SH3RF3: variants seen among roughly 807,000 people sequenced by gnomAD.
SH3RF3 encodes E3 ubiquitin-protein ligase SH3RF3.
A neutral mutation model predicts 66.3 loss-of-function variants in SH3RF3; 29 were observed. The ratio of observed to expected loss-of-function variants is 0.44; its 90% CI spans 0.33 to 0.60. SH3RF3 has a LOEUF of 0.60. Ranked by LOEUF, SH3RF3 falls within the 20% of genes least tolerant of loss-of-function variation. The pLI, the probability that SH3RF3 is intolerant of heterozygous loss-of-function variation, is 0.04. For missense variants in SH3RF3, 1,194 were observed against 1,190.9 expected (o/e 1.00, Z -0.04); for synonymous variants, 583 against 532.0 (o/e 1.10, Z -1.32).
intron 1 of SH3RF3, among the ~76,000 whole-genome samples, chr2:109,242,210 C>G (rs1241029973): frequency 6.6e-6 from 1 of 152,054 alleles, no homozygotes; most frequent in Non-Finnish European, 1.5e-5. Flanking sequence ...TCCTGCTGTT[C>G]TCAACTTTGG....
intron 1 of SH3RF3, among the ~76,000 whole-genome samples, chr2:109,186,025 T>C (rs1678178961): frequency 6.6e-6 from 1 of 152,236 alleles, no homozygotes; most frequent in Non-Finnish European, 1.5e-5. Context: ...TTTATTCCCT[T>C]AGTCACTGGG....
intron 9 of SH3RF3, among the ~76,000 whole-genome samples, chr2:109,496,492 A>C (rs1238014108): frequency 6.6e-6 from 1 of 152,192 alleles, no homozygotes; most frequent in East Asian, 1.9e-4. Context: ...TGACCTCTCT[A>C]ATAGTAACAT....
intron 2 of SH3RF3, among the ~76,000 whole-genome samples, chr2:109,354,175 C>T (rs1682897074): frequency 6.6e-6 from 1 of 152,218 alleles, no homozygotes; most frequent in Non-Finnish European, 1.5e-5. Context: ...ATTTTCCCTT[C>T]TCCCTGCGAC....
At chr2:109,359,709 C>A (rs1183286930) in intron 2 of SH3RF3, among the ~76,000 whole-genome samples, 1 of 152,118 alleles carries the variant, frequency 6.6e-6, no homozygotes, top group Non-Finnish European at 1.5e-5. Flanking sequence ...ATATTCCACA[C>A]CTGACCTTAT....
At chr2:109,175,837 GT>G (rs1194501292) in intron 1 of SH3RF3, among the ~76,000 whole-genome samples, 1 of 152,186 alleles carries the variant, frequency 6.6e-6, no homozygotes, top group Non-Finnish European at 1.5e-5. Flanking sequence ...GCCAGTAATA[GT>G]TTTTTAAACA....
chr2:109,263,139 C>A (rs1260525383), intron 1 of SH3RF3, among the ~76,000 whole-genome samples: 1 of 152,208 alleles, frequency 6.6e-6, no homozygotes. Flanking sequence ...AGCCACCACG[C>A]CCAGCCGCAA....
chr2:109,138,649 ACT>A (rs1676867890), intron 1 of SH3RF3, among the ~76,000 whole-genome samples: 1 of 151,982 alleles, frequency 6.6e-6, no homozygotes, highest in African/African-American at 2.4e-5. Context: ...GAAGTGGGTC[ACT>A]CTTCCTCTGG....
chr2:109,372,821 T>G (rs1683304628), intron 3 of SH3RF3, among the ~76,000 whole-genome samples: 1 of 152,164 alleles, frequency 6.6e-6, no homozygotes, highest in Admixed American at 6.5e-5. Flanking sequence ...GGCTTCAGAG[T>G]TGGCACCGAA....
intron 1 of SH3RF3, among the ~76,000 whole-genome samples, chr2:109,279,325 C>G (rs1275039515): frequency 2.0e-5 from 3 of 152,200 alleles, no homozygotes; most frequent in African/African-American, 4.8e-5. Context: ...CAGTGGAGGG[C>G]TAGTGAAGGT....
intron 1 of SH3RF3, among the ~76,000 whole-genome samples, chr2:109,138,120 ATTC>A (rs375960075): frequency 6.6e-6 from 1 of 152,166 alleles, no homozygotes; most frequent in African/African-American, 2.4e-5. Context: ...GGTTCAAGCT[ATTC>A]TTCTGCCTCA....
intron 2 of SH3RF3, among the ~76,000 whole-genome samples, chr2:109,353,239 C>T (rs1682877731): frequency 6.6e-6 from 1 of 152,238 alleles, no homozygotes; most frequent in Admixed American, 6.5e-5. Context: ...GCACTGGCCT[C>T]CTGGTGGGTT....
chr2:109,295,517 CCTT>C (rs1681286958), intron 1 of SH3RF3, among the ~76,000 whole-genome samples: 1 of 152,176 alleles, frequency 6.6e-6, no homozygotes, highest in Admixed American at 6.5e-5. Flanking sequence ...ACAGCTTTGT[CCTT>C]CTTGTGAAGA....
chr2:109,358,294 A>C (rs2105612600), intron 2 of SH3RF3, among the ~76,000 whole-genome samples: 1 of 152,240 alleles, frequency 6.6e-6, no homozygotes, highest in Admixed American at 6.5e-5. Flanking sequence ...TTATCCATTC[A>C]CCTACTAAAC....
intron 1 of SH3RF3, among the ~76,000 whole-genome samples, chr2:109,208,125 A>G (rs908924774): frequency 6.6e-6 from 1 of 152,240 alleles, no homozygotes; most frequent in African/African-American, 2.4e-5. Context: ...TGCTGCCCCC[A>G]TGGGCTCAGA....
chr2:109,438,612 C>T (rs1014071086), intron 7 of SH3RF3, among the ~76,000 whole-genome samples: 1 of 152,186 alleles, frequency 6.6e-6, no homozygotes, highest in South Asian at 2.1e-4. Context: ...GGCTCCAGGG[C>T]CCTGGGAAAG....
At chr2:109,364,040 A>T (rs1226810535) in intron 2 of SH3RF3, among the ~76,000 whole-genome samples, 2 of 151,890 alleles carry the variant, frequency 1.3e-5, no homozygotes, top group Non-Finnish European at 2.9e-5. Context: ...TATTGTTTCA[A>T]ATATTCCTTC....
At chr2:109,318,712 G>A (rs1426154840) in intron 1 of SH3RF3, among the ~76,000 whole-genome samples, 1 of 152,170 alleles carries the variant, frequency 6.6e-6, no homozygotes, top group Non-Finnish European at 1.5e-5. Context: ...AGAATCCGGG[G>A]CTGCCCTGGC....
chr2:109,492,909 C>G (rs1208408430), intron 9 of SH3RF3, among the ~76,000 whole-genome samples: 1 of 152,092 alleles, frequency 6.6e-6, no homozygotes, highest in African/African-American at 2.4e-5. Flanking sequence ...CAGTCCCAGC[C>G]CCTACAGCCA....
At chr2:109,170,494 C>CT (rs1677752523) in intron 1 of SH3RF3, among the ~76,000 whole-genome samples, 1 of 152,046 alleles carries the variant, frequency 6.6e-6, no homozygotes, top group Non-Finnish European at 1.5e-5. Context: ...TGCAGGCGCA[C>CT]ACCACCATGC....
Sources: gnomAD v4.1 joint callset for allele counts (sites outside exome capture counted in the v4.1 genomes callset) on GRCh38, gnomAD v4.1.1 for gene constraint, MANE v1.5 for transcripts, NCBI Gene and HGNC (gene_info 2026-07-23, HGNC 2026-07-21) for gene names.